ZER1: variants seen among roughly 807,000 people sequenced by gnomAD.
ZER1 encodes protein zer-1 homolog.
Under a neutral mutation model 78.8 loss-of-function variants are expected in ZER1, and 11 were observed. The ratio of observed to expected loss-of-function variants is 0.14; its 90% CI spans 0.09 to 0.23. The LOEUF is 0.23. Ranked by LOEUF, ZER1 falls within the 10% of genes least tolerant of loss-of-function variation. ZER1 has a pLI of 1.00. For synonymous variants in ZER1, 400 were observed against 407.0 expected (o/e 0.98, Z 0.21); for missense variants, 588 against 996.9 (o/e 0.59, Z 5.52).
At chr9:128,760,061 G>T (rs1254659434) in intron 1 of ZER1, among the ~76,000 whole-genome samples, 1 of 151,408 alleles carries the variant, frequency 6.6e-6, no homozygotes, top group Non-Finnish European at 1.5e-5. Flanking sequence ...TTAATTTTTA[G>T]TAAAGACAGG....
chr9:128,735,761 G>C (rs10988107), intron 13 of ZER1, among the ~76,000 whole-genome samples: 1 of 26,788 alleles, frequency 3.7e-5, no homozygotes, highest in South Asian at 9.7e-4. Flanking sequence ...GTGTGACCTG[G>C]TTTTTTTTTT....
upstream of ZER1, chr9:128,772,445 C>G (rs962600715): frequency 1.3e-5 from 2 of 152,290 alleles, no homozygotes; most frequent in African/African-American, 4.8e-5. Flanking sequence ...GCCCCTCGTC[C>G]AGTCTCCAAG....
At chr9:128,735,588 G>A (rs1283470261) in intron 13 of ZER1, among the ~76,000 whole-genome samples, 157 bp from the exon 14 acceptor site, 2 of 151,998 alleles carry the variant, frequency 1.3e-5, no homozygotes, top group African/African-American at 2.4e-5. Context: ...CATCCCACTG[G>A]CAGGCTGCAC....
intron 1 of ZER1, among the ~76,000 whole-genome samples, chr9:128,761,905 A>AC (rs1864062485): frequency 6.6e-6 from 1 of 151,796 alleles, no homozygotes; most frequent in African/African-American, 2.4e-5. Flanking sequence ...CGCCCGGCTG[A>AC]CCCCATCTTA....
At chr9:128,752,084 G>T (rs1309423646) in intron 5 of ZER1, among the ~76,000 whole-genome samples, 4 of 152,184 alleles carry the variant, frequency 2.6e-5, no homozygotes, top group Admixed American at 2.0e-4. Flanking sequence ...CCCTCTGCTA[G>T]AACACGCTTC....
rs557744364 is a variant in ZER1 at position 128,744,732 on chromosome 9, G to C, written c.1360-1987C>G. Among the ~76,000 whole-genome samples the C allele has an allele frequency of 8.5e-5, 13 of 152,274 alleles. No individual in the cohort carries two copies. In the East Asian group the frequency reaches 2.5e-3, roughly 29 times the overall value. ...GACCTCAGGTGATCCACCTGCCTCA[G>C]CCTCCCAAAGTGCTGGGATTACAGG... On this transcript the variant is annotated intron_variant, in intron 8 of 15. Transcript: ENST00000291900.
At chr9:128,734,144 A>ATATAT (rs1554784814) in intron 14 of ZER1, among the ~76,000 whole-genome samples, 1 of 14,442 alleles carries the variant, frequency 6.9e-5, no homozygotes, top group East Asian at 3.9e-3. Context: ...AAAAAAAAAA[A>ATATAT]ATATATATAT....
chr9:128,740,151 C>A lies in ZER1; in HGVS notation c.1854-32G>T. 6.4e-7 allele frequency: 1 copy of A among 1,554,964 alleles called. No homozygotes were observed. Among genetic ancestry groups the A allele is most frequent in the Admixed American group, 1.9e-5 (1 of 52,990 alleles). ...GGAGAAAGACAGAAAAATGGAGTCC[C>A]ACTCCCCCAGTTTCTCTTCAGATAC... On this transcript the variant is annotated intron_variant, in intron 12 of 15. Transcript: ENST00000291900. The surrounding 1 kb of genome is among the most constrained non-coding windows in gnomAD (Gnocchi z 4.4).
Position 128,754,076 on chromosome 9 carries a change from T to C in ZER1, c.159-117A>G, listed in dbSNP as rs1863780400. The C allele has an allele frequency of 7.8e-7, 1 of 1,287,046 alleles. No individual in the cohort carries two copies. The highest frequency in any genetic ancestry group is 2.5e-5 in the East Asian group (1 of 39,260). The allele number at this position is 1,287,046 out of a possible 1,614,324, so 79.7% of individuals were successfully genotyped here. A position where few individuals can be genotyped will look rare whatever the true frequency, so the allele number is the denominator to read the frequency against. ...GGATCACCCCAAGTAGCAACCTCCT[T>C]CTCCTAAGAGTATCTGGTCAGATCC... is the stretch of plus-strand genomic sequence containing the variant. On this transcript the variant is annotated intron_variant, in intron 2 of 15. Coordinates refer to ENST00000291900, the MANE Select transcript of ZER1 (RefSeq NM_006336.4). The surrounding 1 kb of genome is among the most constrained non-coding windows in gnomAD (Gnocchi z 4.3).
At chr9:128,765,909 G>A (rs1198747646) in intron 1 of ZER1, among the ~76,000 whole-genome samples, 1 of 152,204 alleles carries the variant, frequency 6.6e-6, no homozygotes, top group Non-Finnish European at 1.5e-5. Flanking sequence ...TAATTGGGGA[G>A]TGTGCCTCAC....
At chr9:128,749,042 T>C (rs1433634494) in intron 8 of ZER1, among the ~76,000 whole-genome samples, 1 of 147,582 alleles carries the variant, frequency 6.8e-6, no homozygotes, top group African/African-American at 2.5e-5. Flanking sequence ...TATATATATA[T>C]TGTGGCTGAG....
Position 128,731,297 on chromosome 9 carries a change from C to A in ZER1, c.*40G>T. 6.2e-7 allele frequency: 1 copy of A among 1,605,494 alleles called. No homozygotes were observed. Among genetic ancestry groups the A allele is most frequent in the Non-Finnish European group, 8.5e-7 (1 of 1,174,102 alleles). Reference sequence around the variant, plus strand: ...CTGCTTGAGCATGCTTCCTCCCCGCCTGTGGTCCAGAGCGGTGGCGGCCAT... The same window carrying A: ...CTGCTTGAGCATGCTTCCTCCCCGCATGTGGTCCAGAGCGGTGGCGGCCAT... On this transcript the variant is annotated 3_prime_UTR_variant, in exon 16 of 16. Transcript: ENST00000291900.
intron 1 of ZER1, among the ~76,000 whole-genome samples, chr9:128,766,937 T>TATTC (rs1186469145): frequency 6.6e-6 from 1 of 150,654 alleles, no homozygotes; most frequent in East Asian, 1.9e-4. Flanking sequence ...TTTATTTATT[T>TATTC]ATTTTTCTTT....
chr9:128,760,160 G>A (rs970995409), intron 1 of ZER1, among the ~76,000 whole-genome samples: 1 of 152,158 alleles, frequency 6.6e-6, no homozygotes, highest in Non-Finnish European at 1.5e-5. Flanking sequence ...GATTGCAGGC[G>A]TGAGCCACTG....
intron 8 of ZER1, among the ~76,000 whole-genome samples, chr9:128,749,392 C>T (rs1863605034): frequency 6.6e-6 from 1 of 152,152 alleles, no homozygotes. Flanking sequence ...ATGATTAGGT[C>T]TTCATGCTCA....
Position 128,751,832 on chromosome 9 carries a change from AC to A in ZER1, c.924-306del, listed in dbSNP as rs111458518. On this transcript the variant is annotated intron_variant, in intron 5 of 15. Coordinates refer to ENST00000291900, the MANE Select transcript of ZER1 (RefSeq NM_006336.4). The surrounding 1 kb of genome is among the most constrained non-coding windows in gnomAD (Gnocchi z 5.4). ...ATCACAAAGGGACAAGCTCAACTGA[AC>A]ACCATTAAAGCAGGCTGGGGCCAGG... is the stretch of plus-strand genomic sequence containing the variant. Among the ~76,000 whole-genome samples the A allele has an allele frequency of 1.1e-4, 17 of 152,210 alleles. No individual in the cohort carries two copies. The highest frequency in any genetic ancestry group is 5.9e-4 in the Admixed American group (9 of 15,280).
intron 8 of ZER1, among the ~76,000 whole-genome samples, chr9:128,748,279 C>T (rs1278136553): frequency 2.0e-5 from 3 of 151,814 alleles, no homozygotes; most frequent in Non-Finnish European, 4.4e-5. Context: ...GTGGCGGGCG[C>T]CTGTAGTCCC....
intron 8 of ZER1, among the ~76,000 whole-genome samples, chr9:128,750,317 G>C (rs952569065): frequency 7.9e-5 from 12 of 152,168 alleles, no homozygotes; most frequent in African/African-American, 2.9e-4. Flanking sequence ...AAAAGCAGCT[G>C]TTGGTAAGAA....
At chr9:128,769,414 C>CT (rs1017114428) in intron 1 of ZER1, among the ~76,000 whole-genome samples, 1,506 of 145,478 alleles carry the variant, frequency 0.01, 12 homozygotes, top group African/African-American at 0.023. Flanking sequence ...TTCTTTCTTT[C>CT]TTTTTTTTTT....
Sources: gnomAD v4.1 joint callset for allele counts (sites outside exome capture counted in the v4.1 genomes callset) on GRCh38, gnomAD v4.1.1 for gene constraint, Gnocchi (gnomAD v3.1) non-coding constraint, MANE v1.5 for transcripts, NCBI Gene and HGNC (gene_info 2026-07-23, HGNC 2026-07-21) for gene names.